GRID1: variants seen among roughly 807,000 people sequenced by gnomAD.
The protein encoded by GRID1 is glutamate ionotropic receptor delta type subunit 1.
Under a neutral mutation model 98.0 loss-of-function variants are expected in GRID1, and 28 were observed. The ratio of observed to expected loss-of-function variants is 0.29; its 90% CI spans 0.21 to 0.39. The LOEUF is 0.39. Ranked by LOEUF, GRID1 falls within the 10% of genes least tolerant of loss-of-function variation. The pLI is 1.00. For synonymous variants in GRID1, 553 were observed against 538.5 expected (o/e 1.03, Z -0.37); for missense variants, 1,111 against 1,340.5 (o/e 0.83, Z 2.67).
At chr10:86,207,521 G>T (rs1846045033) in intron 2 of GRID1, among the ~76,000 whole-genome samples, 1 of 151,634 alleles carries the variant, frequency 6.6e-6, no homozygotes, top group African/African-American at 2.4e-5. Context: ...CCAATTAATA[G>T]AAAGATGCAC....
chr10:85,855,463 T>C (rs2131781072), intron 7 of GRID1, among the ~76,000 whole-genome samples: 1 of 152,358 alleles, frequency 6.6e-6, no homozygotes, highest in East Asian at 1.9e-4. Flanking sequence ...GATTCTCACC[T>C]ACACTAAAGC....
At chr10:85,800,383 C>G (rs1007204355) in intron 8 of GRID1, among the ~76,000 whole-genome samples, 2 of 151,866 alleles carry the variant, frequency 1.3e-5, no homozygotes, top group Admixed American at 1.3e-4. Context: ...ATGTTCTTAA[C>G]CAAAGGTTAC....
chr10:86,068,818 T>C (rs1390491136), intron 4 of GRID1, among the ~76,000 whole-genome samples: 1 of 152,124 alleles, frequency 6.6e-6, no homozygotes, highest in Non-Finnish European at 1.5e-5. Flanking sequence ...TGCCACCCCT[T>C]TGTAGGTATT....
At chr10:86,016,164 T>TG (rs1842977484) in intron 4 of GRID1, among the ~76,000 whole-genome samples, 1 of 147,682 alleles carries the variant, frequency 6.8e-6, no homozygotes, top group Non-Finnish European at 1.5e-5. Context: ...TTTTTTTTTT[T>TG]GAAACAGAGT....
At chr10:86,217,154 C>T (rs1236306214) in intron 2 of GRID1, among the ~76,000 whole-genome samples, 1 of 152,144 alleles carries the variant, frequency 6.6e-6, no homozygotes. Context: ...TCCTAGGTTA[C>T]AGCATTGCCT....
In GRID1 at chr10:86,364,029, G is replaced by C. The variant is rs1467614193; in HGVS notation, c.147C>G (p.Ser49Arg). Residue 49 changes from serine (S) to arginine (R), a missense_variant, in exon 2 of 16, where the codon AGC (serine) becomes AGG (arginine). Physicochemically the swap from Ser to Arg is moderately radical, Grantham distance 110. Around this residue, in one of 3 missense-constraint regions of GRID1, gnomAD observed 346 missense variants for 452.3 expected, o/e 0.76. Coordinates refer to ENST00000327946, the MANE Select transcript of GRID1 (RefSeq NM_017551.3). ...CGCTCTGCAGGATGTCATCGTTGAGGCTCAGGTCGGATACCGCCAACTGGA... is the reference window on the plus strand; with the variant it reads ...CGCTCTGCAGGATGTCATCGTTGAGCCTCAGGTCGGATACCGCCAACTGGA... ...RVFQLAVSDL[S>R]LNDDILQSEK... The C allele has an allele frequency of 6.2e-7, 1 of 1,613,690 alleles. No homozygotes were observed.
intron 3 of GRID1, among the ~76,000 whole-genome samples, chr10:86,186,719 C>G (rs1049306146): frequency 2.0e-5 from 3 of 152,228 alleles, no homozygotes; most frequent in Non-Finnish European, 4.4e-5. Flanking sequence ...AAACTCAATG[C>G]TGGCATGCAG....
chr10:86,201,063 C>A (rs904450082), intron 3 of GRID1, among the ~76,000 whole-genome samples: 1 of 152,132 alleles, frequency 6.6e-6, no homozygotes, highest in Non-Finnish European at 1.5e-5. Flanking sequence ...AATTCTGCTC[C>A]TCAGAATAGA....
intron 12 of GRID1, among the ~76,000 whole-genome samples, chr10:85,715,099 T>C (rs1442356532): frequency 6.6e-6 from 1 of 152,156 alleles, no homozygotes; most frequent in East Asian, 1.9e-4. Context: ...TTACAGTCAA[T>C]TGATCTTTGA....
At chr10:86,364,586 G>T (rs1429320901) in intron 1 of GRID1, among the ~76,000 whole-genome samples, 2 of 152,212 alleles carry the variant, frequency 1.3e-5, no homozygotes, top group Non-Finnish European at 2.9e-5. Flanking sequence ...GAGTGGAGCT[G>T]AGCGAAGCAG....
chr10:86,061,362 T>C (rs1247565209), intron 4 of GRID1, among the ~76,000 whole-genome samples: 1 of 152,100 alleles, frequency 6.6e-6, no homozygotes, highest in African/African-American at 2.4e-5. Context: ...CCTGGCCCCT[T>C]CCCAGGAAGG....
At chr10:86,101,992 C>T (rs1319997078) in intron 4 of GRID1, among the ~76,000 whole-genome samples, 8 of 152,106 alleles carry the variant, frequency 5.3e-5, no homozygotes, top group Non-Finnish European at 5.9e-5. Flanking sequence ...ACAACAAAGC[C>T]GCTATAAGCA....
chr10:85,810,414 C>T (rs1311618614), intron 8 of GRID1, among the ~76,000 whole-genome samples: 1 of 152,206 alleles, frequency 6.6e-6, no homozygotes, highest in Non-Finnish European at 1.5e-5. Flanking sequence ...GCCAGATAAA[C>T]AGTCCAGCAG....
intron 8 of GRID1, among the ~76,000 whole-genome samples, chr10:85,788,720 G>A (rs540977097): frequency 6.6e-6 from 1 of 152,374 alleles, no homozygotes; most frequent in Non-Finnish European, 1.5e-5. Context: ...ACTGTGGCTA[G>A]TTGGAGGTGC....
intron 4 of GRID1, among the ~76,000 whole-genome samples, chr10:85,944,689 T>C (rs985729623): frequency 6.6e-6 from 1 of 152,132 alleles, no homozygotes; most frequent in Non-Finnish European, 1.5e-5. Flanking sequence ...GGGGCAAACA[T>C]GTATATCTCT....
At chr10:86,278,100 C>G (rs1222945869) in intron 2 of GRID1, among the ~76,000 whole-genome samples, 1 of 152,060 alleles carries the variant, frequency 6.6e-6, no homozygotes, top group Non-Finnish European at 1.5e-5. Context: ...GGGTTAAACT[C>G]TCCAACCAAA....
At chr10:85,866,995 T>A (rs565701215) in intron 6 of GRID1, among the ~76,000 whole-genome samples, 2 of 152,328 alleles carry the variant, frequency 1.3e-5, no homozygotes, top group South Asian at 4.1e-4. Flanking sequence ...TCCGGCCACA[T>A]ATCTGGGAGC....
chr10:85,629,665 T>C (rs1221428304), intron 13 of GRID1, among the ~76,000 whole-genome samples: 1 of 152,256 alleles, frequency 6.6e-6, no homozygotes, highest in Non-Finnish European at 1.5e-5. Context: ...TTTGCTATTG[T>C]GAATAGAGCT....
At chr10:86,233,828 T>C (rs1846494492) in intron 2 of GRID1, among the ~76,000 whole-genome samples, 1 of 151,894 alleles carries the variant, frequency 6.6e-6, no homozygotes, top group African/African-American at 2.4e-5. Context: ...ACTGGGACTC[T>C]GGAAGGCTGA....
Sources: allele counts gnomAD v4.1 joint callset (sites outside exome capture counted in the v4.1 genomes callset), GRCh38; gene constraint gnomAD v4.1.1; regional missense constraint gnomAD v4.1.1; transcripts MANE v1.5; gene names NCBI Gene and HGNC (gene_info 2026-07-23, HGNC 2026-07-21).